PHACTR1: variants seen among roughly 807,000 people sequenced by gnomAD.
PHACTR1 encodes the protein phosphatase and actin regulator 1.
Under a neutral mutation model 69.2 loss-of-function variants are expected in PHACTR1, and 16 were observed. That is an observed-to-expected ratio of 0.23 (90% CI 0.16 to 0.35). PHACTR1 has a LOEUF of 0.35. Ranked by LOEUF, PHACTR1 falls within the 10% of genes least tolerant of loss-of-function variation. The pLI, the probability that PHACTR1 is intolerant of heterozygous loss-of-function variation, is 1.00. For missense variants in PHACTR1, 510 were observed against 734.7 expected, an observed-to-expected ratio of 0.69 and a Z score of 3.54; for synonymous variants, 312 against 284.5, an observed-to-expected ratio of 1.10 and a Z score of -0.97.
chr6:12,961,842 G>T (rs1792775153), intron 4 of PHACTR1, among the ~76,000 whole-genome samples: 13 of 152,196 alleles, frequency 8.5e-5, no homozygotes. Context: ...TTGGCTTGTA[G>T]ATGGCCACGT....
intron 4 of PHACTR1, among the ~76,000 whole-genome samples, chr6:12,820,387 A>G (rs1776074191): frequency 6.6e-6 from 1 of 152,022 alleles, no homozygotes; most frequent in Non-Finnish European, 1.5e-5. Flanking sequence ...TCACCATGTT[A>G]ACCAGGATGG....
At chr6:12,760,073 T>G (rs1170072935) in intron 4 of PHACTR1, among the ~76,000 whole-genome samples, 3 of 152,228 alleles carry the variant, frequency 2.0e-5, no homozygotes, top group Non-Finnish European at 2.9e-5. Flanking sequence ...TAGTGAGTGT[T>G]TGTTAGCACG....
rs930182984 is a variant in PHACTR1, at chr6:12,824,409, C to G, written c.250+74619C>G. On this transcript the variant is annotated intron_variant, in intron 4 of 14. Coordinates refer to ENST00000332995, the MANE Select transcript of PHACTR1 (RefSeq NM_030948.6). Reference sequence around the variant, plus strand: ...ACTTGAATCATCCCAAAATCATCCCCCTACCCTGGTCCGTGGAAAAATTGT... The same window carrying G: ...ACTTGAATCATCCCAAAATCATCCCGCTACCCTGGTCCGTGGAAAAATTGT... Among the ~76,000 whole-genome samples the G allele has an allele frequency of 3.3e-5, 5 of 152,272 alleles. No individual in the cohort carries two copies. The East Asian group carries it at 9.6e-4, about 29-fold the overall frequency.
At chr6:13,038,259 G>A (rs1182104722) in intron 4 of PHACTR1, among the ~76,000 whole-genome samples, 2 of 152,126 alleles carry the variant, frequency 1.3e-5, no homozygotes, top group African/African-American at 4.8e-5. Context: ...AGTAAGAACT[G>A]TGTCAATGAG....
chr6:12,821,232 C>A (rs1776163341), intron 4 of PHACTR1, among the ~76,000 whole-genome samples: 1 of 152,130 alleles, frequency 6.6e-6, no homozygotes, highest in Non-Finnish European at 1.5e-5. Context: ...GAGGTCAAGG[C>A]AGTTGGATGA....
At chr6:13,268,372 T>C (rs1414996339) in intron 10 of PHACTR1, among the ~76,000 whole-genome samples, 1 of 152,214 alleles carries the variant, frequency 6.6e-6, no homozygotes, top group Non-Finnish European at 1.5e-5. Context: ...TAAAGTATCA[T>C]AGTTATGGCA....
intron 4 of PHACTR1, among the ~76,000 whole-genome samples, chr6:12,908,160 C>G (rs1192639650): frequency 1.3e-5 from 2 of 152,110 alleles, no homozygotes; most frequent in East Asian, 3.9e-4. Context: ...ATCCATCAAC[C>G]AAGAATCGCA....
intron 4 of PHACTR1, among the ~76,000 whole-genome samples, chr6:12,922,382 G>A (rs779320566): frequency 5.1e-4 from 77 of 152,244 alleles, no homozygotes; most frequent in Non-Finnish European, 9.1e-4. Context: ...AATAATATTG[G>A]CTTTAGAGAA....
chr6:12,798,211 A>G (rs7757835), intron 4 of PHACTR1, among the ~76,000 whole-genome samples: 55,805 of 151,968 alleles, frequency 0.37, 10,992 homozygotes, highest in African/African-American at 0.49. Context: ...AAGGGAGGGA[A>G]GGAAGGAAGA....
intron 4 of PHACTR1, among the ~76,000 whole-genome samples, chr6:12,808,075 C>G (rs777606056): frequency 1.3e-5 from 2 of 152,178 alleles, no homozygotes; most frequent in Non-Finnish European, 1.5e-5. Flanking sequence ...ATACTCATGA[C>G]AAGCAGGTAA....
intron 4 of PHACTR1, among the ~76,000 whole-genome samples, chr6:13,010,231 G>A (rs529091648): frequency 2.0e-5 from 3 of 152,144 alleles, no homozygotes; most frequent in Non-Finnish European, 4.4e-5. Context: ...AGGTTCAAGC[G>A]ATTCTCCTGC....
intron 5 of PHACTR1, among the ~76,000 whole-genome samples, chr6:13,158,030 C>T (rs1420411048): frequency 2.6e-5 from 4 of 152,018 alleles, no homozygotes; most frequent in Admixed American, 1.3e-4. Flanking sequence ...TACAAGCATG[C>T]GCCACCACGC....
chr6:13,063,914 T>C (rs9463409), intron 5 of PHACTR1, among the ~76,000 whole-genome samples: 1,979 of 152,318 alleles, frequency 0.013, 42 homozygotes, highest in African/African-American at 0.045. Flanking sequence ...GTCTGGGTGT[T>C]ATCCTAATGC....
chr6:12,985,142 A>G (rs1041688983), intron 4 of PHACTR1, among the ~76,000 whole-genome samples: 1 of 152,218 alleles, frequency 6.6e-6, no homozygotes, highest in African/African-American at 2.4e-5. Context: ...CATCATCAAC[A>G]TTCTAAGTTG....
intron 7 of PHACTR1, among the ~76,000 whole-genome samples, chr6:13,204,466 C>A (rs1012137929): frequency 6.6e-6 from 1 of 152,152 alleles, no homozygotes; most frequent in African/African-American, 2.4e-5. Context: ...AAGCCTACAA[C>A]CCACAGGGTT....
chr6:13,075,255 C>T lies in PHACTR1; in HGVS notation c.415+21726C>T, dbSNP rs1276427569. On this transcript the variant is annotated intron_variant, in intron 5 of 14. Coordinates refer to ENST00000332995, the MANE Select transcript of PHACTR1 (RefSeq NM_030948.6). ...GAGATAAGAACTATTCATATAGTCTCATTTTGTGGAAGAAGGAACTGAGAC... is the reference window on the plus strand; with the variant it reads ...GAGATAAGAACTATTCATATAGTCTTATTTTGTGGAAGAAGGAACTGAGAC... 2.6e-5 allele frequency among the ~76,000 whole-genome samples: 4 copies of T among 152,278 alleles called. No homozygotes were observed. In the East Asian group the frequency reaches 5.8e-4, roughly 22 times the overall value.
intron 8 of PHACTR1, among the ~76,000 whole-genome samples, chr6:13,210,155 A>G (rs1368837050): frequency 6.6e-6 from 1 of 152,088 alleles, no homozygotes; most frequent in Non-Finnish European, 1.5e-5. Flanking sequence ...TCACGGGTGC[A>G]CGCCACCATG....
chr6:12,893,053 C>T (rs973374852), intron 4 of PHACTR1, among the ~76,000 whole-genome samples: 7 of 152,060 alleles, frequency 4.6e-5, no homozygotes, highest in Non-Finnish European at 7.4e-5. Flanking sequence ...AGGCAACACT[C>T]GAAAGTAAAG....
In PHACTR1 at chr6:13,261,222, G is replaced by A. The variant is rs549617794; in HGVS notation, c.1392-11638G>A. Among the ~76,000 whole-genome samples, 419 of 152,314 alleles carry A rather than the reference G, an allele frequency of 2.8e-3. 2 individuals carry two copies. Among genetic ancestry groups the A allele is most frequent in the African/African-American group, 9.7e-3 (403 of 41,578 alleles). ...CCAAGAGCAGACAGGTGAGAGGGGT[G>A]AGCTGGAGGAAGAGGCTGGCGTAGG... On this transcript the variant is annotated intron_variant, in intron 10 of 14. Transcript: ENST00000332995.
Sources: allele counts gnomAD v4.1 joint callset (sites outside exome capture counted in the v4.1 genomes callset), GRCh38; gene constraint gnomAD v4.1.1; transcripts MANE v1.5; gene names NCBI Gene and HGNC (gene_info 2026-07-23, HGNC 2026-07-21).